Variants in CNOT4 observed in about 807,000 individuals in gnomAD.
The protein encoded by CNOT4 is CCR4-NOT transcription complex subunit 4.
CNOT4 carries 8 observed loss-of-function variants against 73.8 expected under a neutral mutation model. The observed-to-expected ratio is 0.11, with a 90% CI of 0.06 to 0.20. The LOEUF (loss-of-function observed/expected upper bound fraction) is 0.20, where lower values mean the gene tolerates loss of function less well. CNOT4 is among the 10% of genes least tolerant of loss of function. CNOT4 has a pLI of 1.00. For synonymous variants in CNOT4, 293 were observed against 321.1 expected, an observed-to-expected ratio of 0.91 and a Z score of 0.94; for missense variants, 564 against 883.4, an observed-to-expected ratio of 0.64 and a Z score of 4.58.
At chr7:135,437,422 C>T (rs970500840) in intron 2 of CNOT4, among the ~76,000 whole-genome samples, 3 of 152,054 alleles carry the variant, frequency 2.0e-5, no homozygotes, top group Non-Finnish European at 2.9e-5. Context: ...ATCTCCTGAC[C>T]TTGTGATCCG....
intron 1 of CNOT4, among the ~76,000 whole-genome samples, chr7:135,473,441 T>C (rs1181933476): frequency 2.6e-5 from 4 of 152,124 alleles, no homozygotes; most frequent in Admixed American, 2.6e-4. Flanking sequence ...AAAGCATTAC[T>C]AATTTGGCAA....
intron 1 of CNOT4, among the ~76,000 whole-genome samples, chr7:135,442,991 C>T (rs762500688): frequency 7.2e-5 from 11 of 151,746 alleles, no homozygotes; most frequent in Non-Finnish European, 1.5e-4. Flanking sequence ...CAAAGGAGGT[C>T]GCGGCTGTAG....
At chr7:135,433,209 C>T (rs1798949221) in intron 2 of CNOT4, among the ~76,000 whole-genome samples, 1 of 152,104 alleles carries the variant, frequency 6.6e-6, no homozygotes, top group Admixed American at 6.6e-5. Context: ...AATATTTCAT[C>T]TCTTTTGCTT....
At chr7:135,446,852 G>GA in intron 1 of CNOT4, among the ~76,000 whole-genome samples, 1 of 149,198 alleles carries the variant, frequency 6.7e-6, no homozygotes, top group East Asian at 2.0e-4. Flanking sequence ...AAAAGAAAAA[G>GA]AAAAAAAAAG....
intron 2 of CNOT4, among the ~76,000 whole-genome samples, chr7:135,423,839 G>A (rs972871021): frequency 4.6e-5 from 7 of 152,082 alleles, no homozygotes; most frequent in Admixed American, 2.0e-4. Context: ...ATTTGTGAGT[G>A]GAAGGCATAC....
At position 135,370,295 on chromosome 7, in the gene CNOT4, A is replaced by C. The variant is rs571821696; in HGVS notation, c.1628-6229T>G. On this transcript the variant is annotated intron_variant, in intron 10 of 11. Transcript: ENST00000541284. ...AAGTAACAGTCAAAACAACAACAAC[A>C]AAAAAGGCAATATTTGTTTATACTA... Among the ~76,000 whole-genome samples, 651 of 152,326 alleles carry C rather than the reference A, an allele frequency of 4.3e-3. 12 individuals are homozygous for C. Among genetic ancestry groups the C allele is most frequent in the Admixed American group, 0.038 (589 of 15,304 alleles).
chr7:135,431,810 A>T (rs899415110), intron 2 of CNOT4, among the ~76,000 whole-genome samples: 1 of 148,338 alleles, frequency 6.7e-6, no homozygotes, highest in Admixed American at 6.7e-5. Context: ...TATAACAAAC[A>T]TGCTGTACTA....
At position 135,422,353 on chromosome 7, in the gene CNOT4, G is replaced by T; in HGVS notation, c.175C>A (p.Pro59Thr). Reference sequence around the variant, plus strand: ...TAAACTGCTGGGTCTTCTGGATATGGCTTTAAGCATGAAACAAACATAGAC... The same window carrying T: ...TAAACTGCTGGGTCTTCTGGATATGTCTTTAAGCATGAAACAAACATAGAC... ...ENGLCPACRKPYPEDPAVYKP... is the reference protein window; with the variant it reads ...ENGLCPACRKTYPEDPAVYKP... The change falls in exon 3 of 12, where the codon CCA (proline) becomes ACA (threonine). Residue 59 changes from proline to threonine, a missense_variant and splice_region_variant. Coordinates refer to ENST00000541284, the MANE Select transcript of CNOT4 (RefSeq NM_001190850.2). The T allele has an allele frequency of 1.4e-6, 2 of 1,387,274 alleles. No homozygotes were observed. Among genetic ancestry groups the T allele is most frequent in the Non-Finnish European group, 2.0e-6 (2 of 975,742 alleles). The allele number at this position is 1,387,274 out of a possible 1,614,324, so 85.9% of individuals were successfully genotyped here.
rs552393974 is a variant in CNOT4, at chr7:135,372,987, T to C, written c.1628-8921A>G. 3.3e-5 allele frequency among the ~76,000 whole-genome samples: 5 copies of C among 152,204 alleles called. No homozygotes were observed. In the East Asian group the frequency reaches 5.8e-4, roughly 18 times the overall value. On this transcript the variant is annotated intron_variant, in intron 10 of 11. Coordinates refer to ENST00000541284, the MANE Select transcript of CNOT4 (RefSeq NM_001190850.2). Reference sequence around the variant, plus strand: ...ATGCTAAAACATGACATTTTGACTATGCAATAATAAATAAATCTATAAAGA... The same window carrying C: ...ATGCTAAAACATGACATTTTGACTACGCAATAATAAATAAATCTATAAAGA...
At chr7:135,453,847 T>TATATATATATATATATAA (rs1554438701) in intron 1 of CNOT4, among the ~76,000 whole-genome samples, 27 of 119,344 alleles carry the variant, frequency 2.3e-4, no homozygotes, top group Non-Finnish European at 4.2e-4. Flanking sequence ...TATATATATA[T>TATATATATATATATATAA]TATATATATA....
intron 1 of CNOT4, among the ~76,000 whole-genome samples, chr7:135,484,655 T>G (rs1021504695): frequency 6.6e-6 from 1 of 151,228 alleles, no homozygotes; most frequent in Non-Finnish European, 1.5e-5. Flanking sequence ...CTTGGGAGGC[T>G]GAGACACAAG....
intron 1 of CNOT4, among the ~76,000 whole-genome samples, chr7:135,440,108 A>T (rs899701949): frequency 3.9e-5 from 6 of 151,962 alleles, no homozygotes; most frequent in Non-Finnish European, 8.8e-5. Context: ...AAGAAAACAT[A>T]AATAAAATTA....
intron 1 of CNOT4, among the ~76,000 whole-genome samples, chr7:135,483,264 G>A (rs918164992): frequency 6.6e-6 from 1 of 151,484 alleles, no homozygotes; most frequent in Non-Finnish European, 1.5e-5. Flanking sequence ...CTTGATCCCA[G>A]GAGGTCAAGG....
intron 2 of CNOT4, among the ~76,000 whole-genome samples, chr7:135,437,911 A>G (rs1355240485): frequency 6.6e-6 from 1 of 152,162 alleles, no homozygotes; most frequent in African/African-American, 2.4e-5. Context: ...ACAACAACAA[A>G]CTAAAGGCCA....
intron 3 of CNOT4, among the ~76,000 whole-genome samples, chr7:135,421,095 C>T (rs780827260): frequency 4.6e-5 from 7 of 152,050 alleles, no homozygotes; most frequent in Admixed American, 1.3e-4. Flanking sequence ...CTGACTTTCG[C>T]GGGGTCAAAA....
intron 10 of CNOT4, among the ~76,000 whole-genome samples, chr7:135,376,939 T>C (rs1795553532): frequency 6.6e-6 from 1 of 152,328 alleles, no homozygotes; most frequent in African/African-American, 2.4e-5. Flanking sequence ...GAAGAAAAAT[T>C]ATTTCAGAAA....
At chr7:135,426,222 G>A (rs182837863) in intron 2 of CNOT4, among the ~76,000 whole-genome samples, 3 of 151,902 alleles carry the variant, frequency 2.0e-5, no homozygotes, top group East Asian at 3.9e-4. Context: ...TCAAAAAAGC[G>A]GGGGGAAATG....
At chr7:135,366,806 G>C (rs781420240) in intron 10 of CNOT4, among the ~76,000 whole-genome samples, 19 of 151,954 alleles carry the variant, frequency 1.3e-4, no homozygotes, top group Non-Finnish European at 2.2e-4. Context: ...CCAAGTGCTG[G>C]CACAAAGAAA....
At chr7:135,415,405 T>C (rs899840998) in intron 3 of CNOT4, 143 bp from the exon 4 acceptor site, 3 of 552,260 alleles carry the variant, frequency 5.4e-6, no homozygotes, top group African/African-American at 2.0e-5. Context: ...TACCTCCTAA[T>C]TGCAGTTTGT....
Sources: allele counts gnomAD v4.1 joint callset (sites outside exome capture counted in the v4.1 genomes callset), GRCh38; gene constraint gnomAD v4.1.1; transcripts MANE v1.5; gene names NCBI Gene and HGNC (gene_info 2026-07-23, HGNC 2026-07-21).